TMEM132D: variants seen among roughly 807,000 people sequenced by gnomAD.
TMEM132D encodes the protein mature OL transmembrane protein.
A neutral mutation model predicts 62.3 loss-of-function variants in TMEM132D; 21 were observed. That is an observed-to-expected ratio of 0.34 (90% confidence interval 0.24 to 0.49). TMEM132D has a LOEUF of 0.49. Ranked by LOEUF, TMEM132D falls within the 20% of genes least tolerant of loss-of-function variation. TMEM132D has a pLI of 0.99. For missense variants in TMEM132D, 1,346 were observed against 1,402.8 expected, an observed-to-expected ratio of 0.96 and a Z score of 0.65; for synonymous variants, 621 against 575.6, an observed-to-expected ratio of 1.08 and a Z score of -1.13.
intron 4 of TMEM132D, among the ~76,000 whole-genome samples, chr12:129,217,488 C>T (rs561433767): frequency 5.3e-5 from 8 of 152,272 alleles, no homozygotes; most frequent in African/African-American, 1.7e-4. Flanking sequence ...TGAAACGGAG[C>T]GCCACCTGAA....
chr12:129,650,986 A>G (rs889960973), intron 2 of TMEM132D, among the ~76,000 whole-genome samples: 3 of 152,218 alleles, frequency 2.0e-5, no homozygotes, highest in African/African-American at 7.2e-5. Context: ...ATTACCTTCT[A>G]GCTATTGAAT....
At chr12:129,258,694 C>A (rs928844134) in intron 4 of TMEM132D, among the ~76,000 whole-genome samples, 1 of 152,146 alleles carries the variant, frequency 6.6e-6, no homozygotes, top group Non-Finnish European at 1.5e-5. Flanking sequence ...CTTTCATTTT[C>A]TCATGTAATA....
chr12:129,344,601 A>G lies in TMEM132D; in HGVS notation c.1116-6784T>C, dbSNP rs541557523. 1.2e-4 allele frequency among the ~76,000 whole-genome samples: 18 copies of G among 152,166 alleles called. No homozygotes were observed. The South Asian group carries it at 3.7e-3, about 32-fold the overall frequency. On this transcript the variant is annotated intron_variant, in intron 3 of 8. Transcript: ENST00000422113. ...GTTAGGAGCTGACTTAGTTGCTTCTAAGATTTAGGGGGTTGGAGGCTCCTC... is the reference window on the plus strand; with the variant it reads ...GTTAGGAGCTGACTTAGTTGCTTCTGAGATTTAGGGGGTTGGAGGCTCCTC...
intron 5 of TMEM132D, among the ~76,000 whole-genome samples, chr12:129,195,930 C>A (rs1287230840): frequency 1.3e-5 from 2 of 152,076 alleles, no homozygotes; most frequent in East Asian, 3.9e-4. Flanking sequence ...AATTTGAGAC[C>A]AGCTGGGCCA....
At chr12:129,738,430 G>A (rs1021141023) in intron 1 of TMEM132D, among the ~76,000 whole-genome samples, 3 of 152,088 alleles carry the variant, frequency 2.0e-5, no homozygotes, top group African/African-American at 7.2e-5. Context: ...AGGGGGGAAG[G>A]AAAACAAAAG....
chr12:129,493,531 A>G (rs1007446459), intron 3 of TMEM132D, among the ~76,000 whole-genome samples: 9 of 152,262 alleles, frequency 5.9e-5, no homozygotes, highest in African/African-American at 2.2e-4. Flanking sequence ...TCTGTACAAT[A>G]AATAGGATAA....
chr12:129,380,155 T>C (rs1870896529), intron 3 of TMEM132D, among the ~76,000 whole-genome samples: 1 of 152,172 alleles, frequency 6.6e-6, no homozygotes, highest in Non-Finnish European at 1.5e-5. Context: ...CAATAGAATA[T>C]GGTAATAACA....
intron 5 of TMEM132D, among the ~76,000 whole-genome samples, chr12:129,183,941 C>G (rs982042580): frequency 1.3e-5 from 2 of 152,192 alleles, no homozygotes; most frequent in Non-Finnish European, 2.9e-5. Flanking sequence ...ACTGTTGTCT[C>G]CGAAACAAAG....
chr12:129,672,495 C>T (rs376469353), intron 2 of TMEM132D, among the ~76,000 whole-genome samples: 16 of 152,082 alleles, frequency 1.1e-4, no homozygotes, highest in Admixed American at 1.3e-4. Context: ...GTTAGTGTTC[C>T]GTACCTTGAC....
At chr12:129,440,717 A>G (rs1872913443) in intron 3 of TMEM132D, among the ~76,000 whole-genome samples, 2 of 152,190 alleles carry the variant, frequency 1.3e-5, no homozygotes, top group South Asian at 4.1e-4. Context: ...TGACGGATGC[A>G]GATACCCTTT....
rs1879735267 is a variant in TMEM132D, at chr12:129,644,963, G to A, written c.968+54847C>T. Among the ~76,000 whole-genome samples the A allele has an allele frequency of 3.5e-5, 5 of 141,466 alleles. No individual in the cohort carries two copies. The Admixed American group carries it at 3.6e-4, about 10-fold the overall frequency. 92.8% of individuals were successfully genotyped at this position (141,466 alleles called of 152,430 possible). On this transcript the variant is annotated intron_variant, in intron 2 of 8. Coordinates refer to ENST00000422113, the MANE Select transcript of TMEM132D (RefSeq NM_133448.3). ...ATCGCGCCACTGCACTCCAGCCTGG[G>A]TGACAGAGCAATAGTCCATCTAAAA...
intron 2 of TMEM132D, among the ~76,000 whole-genome samples, chr12:129,682,245 G>A (rs1838320996): frequency 6.6e-6 from 1 of 152,168 alleles, no homozygotes; most frequent in Admixed American, 6.5e-5. Context: ...AGATGGAATT[G>A]ATCATGTACT....
intron 1 of TMEM132D, among the ~76,000 whole-genome samples, chr12:129,702,271 C>G (rs1241380506): frequency 6.6e-6 from 1 of 152,206 alleles, no homozygotes; most frequent in African/African-American, 2.4e-5. Flanking sequence ...AGTGAGCAGT[C>G]TGCATCCACC....
At position 129,700,132 on chromosome 12, in the gene TMEM132D, C is replaced by T. The variant is rs776611618; in HGVS notation, c.646G>A (p.Val216Met). Residue 216 changes from valine (V) to methionine (M), a missense_variant, in exon 2 of 9, where the codon GTG (valine) becomes ATG (methionine). By Grantham distance (21) the Val-to-Met change is conservative. Transcript: ENST00000422113. ...ACGGGGGTCCCCTCCGGCTGGTCCACGGACTTCCTCCTCCCGGCAACCACC... is the reference window on the plus strand; with the variant it reads ...ACGGGGGTCCCCTCCGGCTGGTCCATGGACTTCCTCCTCCCGGCAACCACC... ...PTVVAGRRKSVDQPEGTPVEL... is the reference protein window; with the variant it reads ...PTVVAGRRKSMDQPEGTPVEL... 1.7e-5 allele frequency: 28 copies of T among 1,613,296 alleles called. No individual in the cohort carries two copies. Among genetic ancestry groups the T allele is most frequent in the Middle Eastern group, 1.6e-4 (1 of 6,062 alleles).
At position 129,118,229 on chromosome 12, in the gene TMEM132D, A is replaced by G. The variant is rs982845234; in HGVS notation, c.1444-33527T>C. Among the ~76,000 whole-genome samples, 14 of 152,350 alleles carry G rather than the reference A, an allele frequency of 9.2e-5. No individual in the cohort carries two copies. In the South Asian group the frequency reaches 1.4e-3, roughly 16 times the overall value. ...GAACCTTCAAAACCATACTTTTGAC[A>G]ATGATAGTTAGATAAATGGAAAATG... On this transcript the variant is annotated intron_variant, in intron 5 of 8. Transcript: ENST00000422113.
At chr12:129,244,432 C>T (rs1354572545) in intron 4 of TMEM132D, among the ~76,000 whole-genome samples, 2 of 150,986 alleles carry the variant, frequency 1.3e-5, no homozygotes, top group African/African-American at 2.4e-5. Flanking sequence ...AACAAGGTCT[C>T]TTATTCATTT....
At chr12:129,625,258 T>C (rs1246375051) in intron 2 of TMEM132D, among the ~76,000 whole-genome samples, 1 of 152,218 alleles carries the variant, frequency 6.6e-6, no homozygotes, top group Non-Finnish European at 1.5e-5. Context: ...TACTTAGCCA[T>C]TCTTTTCAAT....
intron 2 of TMEM132D, among the ~76,000 whole-genome samples, chr12:129,698,777 G>T (rs1419324517): frequency 1.4e-5 from 2 of 146,430 alleles, no homozygotes; most frequent in East Asian, 4.0e-4. Flanking sequence ...GAAAGAGAGA[G>T]GGAGAAAGAG....
At chr12:129,752,619 G>C (rs1011928885) in intron 1 of TMEM132D, among the ~76,000 whole-genome samples, 4 of 152,208 alleles carry the variant, frequency 2.6e-5, no homozygotes, top group Non-Finnish European at 5.9e-5. Flanking sequence ...AAGAGCAGCA[G>C]TGCTGGCCAA....
Sources: allele counts gnomAD v4.1 joint callset (sites outside exome capture counted in the v4.1 genomes callset), GRCh38; gene constraint gnomAD v4.1.1; transcripts MANE v1.5; gene names NCBI Gene and HGNC (gene_info 2026-07-23, HGNC 2026-07-21).